The following GNA11 variants were observed in gnomAD, a reference collection of about 807,000 sequenced individuals.
GNA11 encodes the protein G protein subunit alpha 11.
In GNA11, 8 loss-of-function variants were observed where a neutral mutation model predicts 38.2. The ratio of observed to expected loss-of-function variants is 0.21; its 90% CI spans 0.12 to 0.38. GNA11 has a LOEUF of 0.38. Ranked by LOEUF, GNA11 falls within the 10% of genes least tolerant of loss-of-function variation. The probability of loss-of-function intolerance (pLI) is 1.00; values close to 1 mark genes in which losing one functional copy is unlikely to be tolerated. For missense variants in GNA11, 268 were observed against 516.3 expected (o/e 0.52, Z 4.66); for synonymous variants, 211 against 221.4 (o/e 0.95, Z 0.42).
Position 3,120,859 on chromosome 19 carries a change from A to G in GNA11, c.890-130A>G, listed in dbSNP as rs1914054234. 1 of 632,484 alleles carries G rather than the reference A, an allele frequency of 1.6e-6. No homozygotes were observed. Among genetic ancestry groups the G allele is most frequent in the Admixed American group, 2.8e-5 (1 of 35,492 alleles). 39.2% of individuals were successfully genotyped at this position (632,484 alleles called of 1,614,324 possible). A position where few individuals can be genotyped will look rare whatever the true frequency, so the allele number is the denominator to read the frequency against. On this transcript the variant is annotated intron_variant, in intron 6 of 6. Transcript: ENST00000078429. The surrounding 1 kb of genome is among the most constrained non-coding windows in gnomAD (Gnocchi z 5.9). The stretch of plus-strand genomic sequence containing the variant: ...GGGAGCTGCGGCCCGTCAGGCATGC[A>G]GTGGGCTGGGGGTCGAGCTGGGTGG...
chr19:3,102,739 G>A (rs545918169), intron 1 of GNA11, among the ~76,000 whole-genome samples: 12 of 152,246 alleles, frequency 7.9e-5, no homozygotes, highest in South Asian at 4.1e-4. Flanking sequence ...GATGAGGGGC[G>A]TCCGTCCTCC....
intron 1 of GNA11, among the ~76,000 whole-genome samples, chr19:3,097,400 G>C (rs1290472158): frequency 6.6e-6 from 1 of 152,130 alleles, no homozygotes; most frequent in East Asian, 1.9e-4. Flanking sequence ...AGTGGATGTC[G>C]GGGAGGGAGG....
intron 1 of GNA11, among the ~76,000 whole-genome samples, chr19:3,106,051 G>A (rs374878832): frequency 2.6e-5 from 4 of 152,342 alleles, no homozygotes; most frequent in East Asian, 1.9e-4. Context: ...CCAAAAGAGC[G>A]TTCCAGCTCA....
Position 3,108,884 on chromosome 19 carries a change from G to T in GNA11, c.137-1265G>T, listed in dbSNP as rs996188084. On this transcript the variant is annotated intron_variant, in intron 1 of 6. Coordinates refer to ENST00000078429, the MANE Select transcript of GNA11 (RefSeq NM_002067.5). The surrounding 1 kb of genome is among the most constrained non-coding windows in gnomAD (Gnocchi z 4.5). The stretch of plus-strand genomic sequence containing the variant: ...AGTTGGCTCCCTCTAGTGGCTGTTG[G>T]TGGGAGGCCTCAGTTCCTCACCACG... Among the ~76,000 whole-genome samples the T allele has an allele frequency of 2.6e-5, 4 of 152,164 alleles. No individual in the cohort carries two copies. Among genetic ancestry groups the T allele is most frequent in the Admixed American group, 2.6e-4 (4 of 15,276 alleles).
At chr19:3,097,596 C>T (rs1913404236) in intron 1 of GNA11, among the ~76,000 whole-genome samples, 2 of 152,244 alleles carry the variant, frequency 1.3e-5, no homozygotes, top group African/African-American at 4.8e-5. Flanking sequence ...CATCCACTGC[C>T]TCCCTGGGGC....
At chr19:3,114,673 G>A (rs1913861478) in intron 3 of GNA11, among the ~76,000 whole-genome samples, 1 of 152,202 alleles carries the variant, frequency 6.6e-6, no homozygotes, top group Admixed American at 6.5e-5. Context: ...CGAACCAGCT[G>A]GAGTCCTCGT....
intron 3 of GNA11, among the ~76,000 whole-genome samples, chr19:3,114,056 C>G (rs1392338369): frequency 6.6e-6 from 1 of 152,128 alleles, no homozygotes; most frequent in Non-Finnish European, 1.5e-5. Context: ...CCATGCTTGG[C>G]AGGCAGAGGC....
chr19:3,103,468 C>T (rs1002645263), intron 1 of GNA11, among the ~76,000 whole-genome samples: 1 of 147,236 alleles, frequency 6.8e-6, no homozygotes, highest in African/African-American at 2.5e-5. Flanking sequence ...TTGCCTTGGC[C>T]TCCCAAAGTG....
chr19:3,111,847 C>T (rs1036004013), intron 2 of GNA11, among the ~76,000 whole-genome samples: 53 of 152,306 alleles, frequency 3.5e-4, no homozygotes, highest in Non-Finnish European at 5.9e-5. Context: ...GGCCATTGAT[C>T]CCGCTTTCGT....
Position 3,122,611 on chromosome 19 carries a change from A to G in GNA11, c.*1432A>G, listed in dbSNP as rs1914111106. On this transcript the variant is annotated 3_prime_UTR_variant, in exon 7 of 7. Transcript: ENST00000078429. The surrounding 1 kb of genome is among the most constrained non-coding windows in gnomAD (Gnocchi z 7.7). ...TTTCGTCTGCTGTTGACTGAACACTACAGCGCCCTGTGGTTCCGGGCTTCG... is the reference window on the plus strand; with the variant it reads ...TTTCGTCTGCTGTTGACTGAACACTGCAGCGCCCTGTGGTTCCGGGCTTCG... 8.6e-6 allele frequency: 2 copies of G among 233,064 alleles called. No homozygotes were observed. The highest frequency in any genetic ancestry group is 1.7e-5 in the Non-Finnish European group (2 of 118,116). 14.4% of individuals were successfully genotyped at this position (233,064 alleles called of 1,614,324 possible).
At chr19:3,116,545 G>A (rs1448239827) in intron 4 of GNA11, among the ~76,000 whole-genome samples, 1 of 152,212 alleles carries the variant, frequency 6.6e-6, no homozygotes, top group Non-Finnish European at 1.5e-5. Context: ...CCCCGCCTGC[G>A]CCTTTGCCTC....
intron 1 of GNA11, among the ~76,000 whole-genome samples, chr19:3,099,541 C>T (rs1265361254): frequency 1.3e-5 from 2 of 152,112 alleles, no homozygotes; most frequent in Non-Finnish European, 2.9e-5. Flanking sequence ...GCATCCCGCC[C>T]GGGGGGCCTC....
intron 2 of GNA11, among the ~76,000 whole-genome samples, chr19:3,111,745 A>G (rs1170218502): frequency 1.3e-5 from 2 of 152,256 alleles, no homozygotes; most frequent in East Asian, 3.9e-4. Context: ...GCGTCCAGAG[A>G]GTTTGCCCCA....
rs1009785414 is a variant in GNA11, at chr19:3,123,005, C to T, written c.*1826C>T. 10 of 233,186 alleles carry T rather than the reference C, an allele frequency of 4.3e-5. No homozygotes were observed. Among genetic ancestry groups the T allele is most frequent in the Non-Finnish European group, 6.8e-5 (8 of 118,124 alleles). The allele number at this position is 233,186 out of a possible 1,614,324, so 14.4% of individuals were successfully genotyped here. A position where few individuals can be genotyped will look rare whatever the true frequency, so the allele number is the denominator to read the frequency against. On this transcript the variant is annotated 3_prime_UTR_variant, in exon 7 of 7. Transcript: ENST00000078429. ...ACCCGGAAGCGTCCTTTTTTTGTGC[C>T]AGGTGTCTACCTAAGAGGGTTGGTG...
Position 3,123,547 on chromosome 19 carries a change from A to G in GNA11, c.*2368A>G, listed in dbSNP as rs766425893. On this transcript the variant is annotated 3_prime_UTR_variant, in exon 7 of 7. Coordinates refer to ENST00000078429, the MANE Select transcript of GNA11 (RefSeq NM_002067.5). ...CCTTGGTGAATCTCACCTGCCAACG[A>G]TTTCTCGTGAGTGCCGACCACCTTC... 4.3e-6 allele frequency: 1 copy of G among 232,996 alleles called. No homozygotes were observed. The highest frequency in any genetic ancestry group is 8.5e-6 in the Non-Finnish European group (1 of 117,932). The allele number at this position is 232,996 out of a possible 1,614,324, so 14.4% of individuals were successfully genotyped here. A position where few individuals can be genotyped will look rare whatever the true frequency, so the allele number is the denominator to read the frequency against.
intron 1 of GNA11, among the ~76,000 whole-genome samples, chr19:3,102,587 TA>T (rs1913532968): frequency 6.6e-6 from 1 of 152,152 alleles, no homozygotes; most frequent in African/African-American, 2.4e-5. Flanking sequence ...GCCCTGCCAT[TA>T]GGGGTCGTGT....
In GNA11 at chr19:3,104,429, T is replaced by A. The variant is rs59457972; in HGVS notation, c.137-5720T>A. On this transcript the variant is annotated intron_variant, in intron 1 of 6. Coordinates refer to ENST00000078429, the MANE Select transcript of GNA11 (RefSeq NM_002067.5). ...GCTCCCTAGCGTCTGGGGTCCACTG[T>A]GGGGCGGCCTGTGGCAGGCCCACCA... Among the ~76,000 whole-genome samples, 1,495 of 152,296 alleles carry A rather than the reference T, an allele frequency of 9.8e-3. 29 individuals carry two copies. Among genetic ancestry groups the A allele is most frequent in the African/African-American group, 0.034 (1,429 of 41,558 alleles).
At position 3,110,139 on chromosome 19, in the gene GNA11, C is replaced by T. The variant is rs775915105; in HGVS notation, c.137-10C>T. ...GGCTGCCGCCCGCCCTCACGTGCCC[C>T]GTCCCCCAGGCACGGGCGAGAGCGG... On this transcript the variant is annotated splice_polypyrimidine_tract_variant and intron_variant, in intron 1 of 6. Transcript: ENST00000078429. This position sits in a 1 kb window ranked among gnomAD's most constrained non-coding sequence, Gnocchi z 5.4. 15 of 1,594,906 alleles carry T rather than the reference C, an allele frequency of 9.4e-6. No individual in the cohort carries two copies. The highest frequency in any genetic ancestry group is 6.0e-6 in the Non-Finnish European group (7 of 1,170,966).
In GNA11 at chr19:3,108,005, ACTAC is replaced by A. The variant is rs1416274969; in HGVS notation, c.137-2141_137-2138del. ...TGAGGTGAGGGCTGAGAGGTGGATT[ACTAC>A]CTGAGACAATCAAAATCAATTTTCT... is the stretch of plus-strand genomic sequence containing the variant. On this transcript the variant is annotated intron_variant, in intron 1 of 6. Transcript: ENST00000078429. The surrounding 1 kb of genome is among the most constrained non-coding windows in gnomAD (Gnocchi z 4.5). Among the ~76,000 whole-genome samples, 1 of 152,188 alleles carries A rather than the reference ACTAC, an allele frequency of 6.6e-6. No individual in the cohort carries two copies. The highest frequency in any genetic ancestry group is 2.4e-5 in the African/African-American group (1 of 41,438).
Sources: gnomAD v4.1 joint callset for allele counts (sites outside exome capture counted in the v4.1 genomes callset) on GRCh38, gnomAD v4.1.1 for gene constraint, Gnocchi (gnomAD v3.1) non-coding constraint, MANE v1.5 for transcripts, NCBI Gene and HGNC (gene_info 2026-07-23, HGNC 2026-07-21) for gene names.